SPAG16: variants seen among roughly 807,000 people sequenced by gnomAD.
SPAG16 encodes the protein sperm associated antigen 16, also known as sperm-associated antigen 16 protein.
In SPAG16, 86 loss-of-function variants were observed where a neutral mutation model predicts 80.4. That is an observed-to-expected ratio of 1.07 (90% CI 0.90 to 1.28). The LOEUF (loss-of-function observed/expected upper bound fraction) is 1.28, where lower values mean the gene tolerates loss of function less well. Among genes scored for constraint, SPAG16 ranks in the 50% most tolerant of loss-of-function variants. SPAG16 has a pLI of 0.00. For missense variants in SPAG16, 870 were observed against 765.3 expected, an observed-to-expected ratio of 1.14 and a Z score of -1.61; for synonymous variants, 294 against 265.9, an observed-to-expected ratio of 1.11 and a Z score of -1.03.
chr2:213,945,339 T>C (rs1192543909), intron 12 of SPAG16, among the ~76,000 whole-genome samples: 1 of 149,328 alleles, frequency 6.7e-6, no homozygotes, highest in African/African-American at 2.5e-5. Flanking sequence ...ATATATAGTA[T>C]ATATATATGT....
intron 10 of SPAG16, among the ~76,000 whole-genome samples, chr2:213,630,857 A>G (rs557539910): frequency 6.6e-5 from 10 of 152,340 alleles, no homozygotes; most frequent in African/African-American, 1.7e-4. Flanking sequence ...TACCTGGGAC[A>G]TAAATAAACA....
intron 15 of SPAG16, among the ~76,000 whole-genome samples, chr2:214,242,342 G>A (rs781480209): frequency 6.6e-6 from 1 of 152,116 alleles, no homozygotes; most frequent in African/African-American, 2.4e-5. Context: ...ACATGACACC[G>A]CAGAGATGGC....
At chr2:213,566,932 C>A (rs1264039605) in intron 10 of SPAG16, among the ~76,000 whole-genome samples, 2 of 152,196 alleles carry the variant, frequency 1.3e-5, no homozygotes, top group Non-Finnish European at 1.5e-5. Context: ...TCTTTTGACT[C>A]TAGCACTTAA....
chr2:213,550,548 T>A (rs2076749711), intron 10 of SPAG16, among the ~76,000 whole-genome samples: 1 of 152,112 alleles, frequency 6.6e-6, no homozygotes, highest in African/African-American at 2.4e-5. Flanking sequence ...ATCAATCTCA[T>A]GGAAGAATAT....
intron 13 of SPAG16, among the ~76,000 whole-genome samples, chr2:214,061,689 G>A (rs1181218063): frequency 7.5e-6 from 1 of 133,098 alleles, no homozygotes; most frequent in Non-Finnish European, 1.7e-5. Flanking sequence ...GAAACATCTA[G>A]GCCTATGTTT....
chr2:213,693,441 A>G (rs1342806851), intron 10 of SPAG16, among the ~76,000 whole-genome samples: 2 of 152,240 alleles, frequency 1.3e-5, no homozygotes, highest in Non-Finnish European at 2.9e-5. Flanking sequence ...TCGTAGACAG[A>G]ACTACTTCAC....
chr2:214,236,638 C>T (rs889249518), intron 15 of SPAG16, among the ~76,000 whole-genome samples: 5 of 150,448 alleles, frequency 3.3e-5, no homozygotes, highest in African/African-American at 7.4e-5. Flanking sequence ...GGTGACAGAG[C>T]GAGACTCCGT....
chr2:214,356,027 TG>T (rs1463384988), intron 15 of SPAG16, among the ~76,000 whole-genome samples: 2 of 64,300 alleles, frequency 3.1e-5, no homozygotes, highest in African/African-American at 6.5e-5. Flanking sequence ...TGTTGTGGGG[TG>T]GGGGGAGGGG....
intron 10 of SPAG16, among the ~76,000 whole-genome samples, chr2:213,759,319 T>C (rs2068518493): frequency 6.7e-6 from 1 of 148,342 alleles, no homozygotes; most frequent in Non-Finnish European, 1.5e-5. Flanking sequence ...TTCTACATGC[T>C]TTAAGAGGTT....
At chr2:213,332,770 A>G (rs2064165275) in intron 5 of SPAG16, among the ~76,000 whole-genome samples, 1 of 152,184 alleles carries the variant, frequency 6.6e-6, no homozygotes, top group Non-Finnish European at 1.5e-5. Flanking sequence ...TGAACAACAA[A>G]AACCATATGT....
intron 10 of SPAG16, among the ~76,000 whole-genome samples, chr2:213,588,271 C>A (rs1353559105): frequency 6.6e-6 from 1 of 151,974 alleles, no homozygotes; most frequent in African/African-American, 2.4e-5. Context: ...TCTAACAGAG[C>A]ATTTATATGT....
chr2:214,074,101 C>T (rs1028882758), intron 13 of SPAG16, among the ~76,000 whole-genome samples: 1 of 152,158 alleles, frequency 6.6e-6, no homozygotes, highest in Non-Finnish European at 1.5e-5. Context: ...CAAGGGAGTT[C>T]TCTCACTCTC....
At chr2:213,781,786 T>C (rs941919578) in intron 10 of SPAG16, among the ~76,000 whole-genome samples, 12 of 152,198 alleles carry the variant, frequency 7.9e-5, no homozygotes, top group African/African-American at 2.7e-4. Context: ...AATGTGTTCA[T>C]TGAAGAGCTT....
intron 15 of SPAG16, among the ~76,000 whole-genome samples, chr2:214,188,069 T>C (rs2057537562): frequency 6.6e-6 from 1 of 152,084 alleles, no homozygotes; most frequent in Non-Finnish European, 1.5e-5. Context: ...TCAGAGTGTC[T>C]GCCCCTCCTC....
intron 9 of SPAG16, among the ~76,000 whole-genome samples, chr2:213,474,336 A>G (rs1388253360): frequency 6.6e-6 from 1 of 152,152 alleles, no homozygotes; most frequent in Non-Finnish European, 1.5e-5. Context: ...TCTACAGGAG[A>G]TAGGTCTCTC....
intron 10 of SPAG16, among the ~76,000 whole-genome samples, chr2:213,672,598 T>C (rs1417461522): frequency 6.6e-6 from 1 of 152,124 alleles, no homozygotes; most frequent in Non-Finnish European, 1.5e-5. Context: ...CTCTTTGCTT[T>C]TCTATTTTAT....
intron 9 of SPAG16, among the ~76,000 whole-genome samples, chr2:213,398,921 A>T (rs2068179003): frequency 1.3e-5 from 2 of 152,190 alleles, no homozygotes; most frequent in South Asian, 4.1e-4. Flanking sequence ...GCATAAATTA[A>T]AAAATGTGTT....
chr2:213,781,207 C>T (rs934880731), intron 10 of SPAG16, among the ~76,000 whole-genome samples: 12 of 152,126 alleles, frequency 7.9e-5, no homozygotes, highest in Non-Finnish European at 1.5e-4. Context: ...CTTTTTTAGG[C>T]GGATGCCTCT....
At chr2:214,024,396 G>T (rs2125019692) in intron 13 of SPAG16, among the ~76,000 whole-genome samples, 1 of 151,614 alleles carries the variant, frequency 6.6e-6, no homozygotes, top group African/African-American at 2.4e-5. Context: ...ATGAAATTTA[G>T]ATATAGTAAA....
Sources: allele counts gnomAD v4.1 joint callset (sites outside exome capture counted in the v4.1 genomes callset), GRCh38; gene constraint gnomAD v4.1.1; transcripts MANE v1.5; gene names NCBI Gene and HGNC (gene_info 2026-07-23, HGNC 2026-07-21).